The following ANKRD45 variants were observed in gnomAD, a reference collection of about 807,000 sequenced individuals.
ANKRD45 encodes ankyrin repeat domain 45, also known as ankyrin repeat domain-containing protein 45.
In ANKRD45, 21 loss-of-function variants were observed where a neutral mutation model predicts 28.1. The observed-to-expected ratio is 0.75, with a 90% CI of 0.53 to 1.08. ANKRD45 has a LOEUF of 1.08. ANKRD45 is among the 50% of genes least tolerant of loss of function. ANKRD45 has a pLI of 0.00. For missense variants in ANKRD45, 261 were observed against 308.7 expected (o/e 0.85, Z 1.16); for synonymous variants, 86 against 103.9 (o/e 0.83, Z 1.05).
the ANKRD45 span, among the ~76,000 whole-genome samples, chr1:173,682,992 T>A: frequency 6.6e-6 from 1 of 152,106 alleles, no homozygotes; most frequent in Non-Finnish European, 1.5e-5. Flanking sequence ...ACCAGCTTTT[T>A]TTGTGTGGGA....
intron 5 of ANKRD45, among the ~76,000 whole-genome samples, chr1:173,622,114 C>G (rs1667732837): frequency 6.6e-6 from 1 of 152,134 alleles, no homozygotes; most frequent in African/African-American, 2.4e-5. Flanking sequence ...AGTGAACAAC[C>G]TCTTGAAGGA....
intron 1 of ANKRD45, among the ~76,000 whole-genome samples, chr1:173,661,470 G>A (rs1669773001): frequency 6.6e-6 from 1 of 152,178 alleles, no homozygotes. Flanking sequence ...GGCTGGGATT[G>A]CATCAGCAAG....
At chr1:173,696,257 T>C in the ANKRD45 span, among the ~76,000 whole-genome samples, 5 of 152,206 alleles carry the variant, frequency 3.3e-5, no homozygotes, top group Non-Finnish European at 7.3e-5. Context: ...AGAACCGACG[T>C]GAAATATTGG....
At chr1:173,655,089 C>G (rs1382217345) in intron 2 of ANKRD45, among the ~76,000 whole-genome samples, 4 of 152,168 alleles carry the variant, frequency 2.6e-5, no homozygotes, top group African/African-American at 9.7e-5. Context: ...CCTTCTGAAG[C>G]CAACTTCTGT....
chr1:173,696,180 A>G, the ANKRD45 span, among the ~76,000 whole-genome samples: 1 of 152,132 alleles, frequency 6.6e-6, no homozygotes, highest in Non-Finnish European at 1.5e-5. Flanking sequence ...ACCCAGCTTT[A>G]AAATTTCTCT....
intron 3 of ANKRD45, among the ~76,000 whole-genome samples, chr1:173,628,859 C>T (rs1558124428): frequency 6.6e-6 from 1 of 152,132 alleles, no homozygotes; most frequent in Non-Finnish European, 1.5e-5. Flanking sequence ...CAGGTCTGAC[C>T]CAGGGCAGTC....
chr1:173,626,282 T>A (rs530606102), intron 4 of ANKRD45, among the ~76,000 whole-genome samples: 3 of 152,164 alleles, frequency 2.0e-5, no homozygotes, highest in Non-Finnish European at 4.4e-5. Context: ...CCAAAACACA[T>A]TTCTGATACC....
At chr1:173,671,949 T>C (rs1670276218), upstream of ANKRD45, among the ~76,000 whole-genome samples, 1 of 151,914 alleles carries the variant, frequency 6.6e-6, no homozygotes, top group South Asian at 2.1e-4. Context: ...AGTCACCCAC[T>C]TGGCCCTTTC....
chr1:173,636,885 A>G (rs1006087310), intron 3 of ANKRD45: 1 of 1,535,826 alleles, frequency 6.5e-7, no homozygotes, highest in African/African-American at 1.4e-5. Flanking sequence ...CCATTGATCA[A>G]CAACATTGAC....
At chr1:173,643,128 T>C (rs1330618115) in intron 3 of ANKRD45, among the ~76,000 whole-genome samples, 1 of 152,008 alleles carries the variant, frequency 6.6e-6, no homozygotes, top group Non-Finnish European at 1.5e-5. Flanking sequence ...TTTCAATACA[T>C]CTCTGATAAA....
chr1:173,678,335 T>G, the ANKRD45 span, among the ~76,000 whole-genome samples: 1 of 152,192 alleles, frequency 6.6e-6, no homozygotes. Flanking sequence ...GCAAAGCGAA[T>G]GAAGCAGCAC....
chr1:173,650,212 C>T (rs548828842), intron 2 of ANKRD45, among the ~76,000 whole-genome samples: 35 of 152,240 alleles, frequency 2.3e-4, no homozygotes, highest in African/African-American at 7.9e-4. Flanking sequence ...CCCATTAACT[C>T]GTCATTTACA....
At chr1:173,678,722 A>G in the ANKRD45 span, among the ~76,000 whole-genome samples, 1 of 152,210 alleles carries the variant, frequency 6.6e-6, no homozygotes, top group Non-Finnish European at 1.5e-5. Context: ...CAGGCAAGAG[A>G]AAGAAATAAA....
chr1:173,652,990 CTTCT>C (rs1374258091), intron 2 of ANKRD45, among the ~76,000 whole-genome samples: 1 of 151,878 alleles, frequency 6.6e-6, no homozygotes, highest in Non-Finnish European at 1.5e-5. Context: ...TCTCTCTTTT[CTTCT>C]TTATTAGTCT....
Position 173,646,750 on chromosome 1 carries a change from AC to A in ANKRD45, c.496+95del, listed in dbSNP as rs1215512264. 2.3e-6 allele frequency: 3 copies of A among 1,297,170 alleles called. No individual in the cohort carries two copies. The African/African-American group carries it at 4.4e-5, about 19-fold the overall frequency. The allele number at this position is 1,297,170 out of a possible 1,614,324, so 80.4% of individuals were successfully genotyped here. ...ACTGTGACTGTGGTTGTATCTACAA[AC>A]AAAACACTGTGAAAAAAGGTGACAT... On this transcript the variant is annotated intron_variant, in intron 3 of 5. Transcript: ENST00000333279.
intron 5 of ANKRD45, among the ~76,000 whole-genome samples, chr1:173,622,102 G>T (rs1010513233): frequency 6.6e-6 from 1 of 152,120 alleles, no homozygotes; most frequent in Non-Finnish European, 1.5e-5. Context: ...GCAGTCAAGG[G>T]AAGTGAACAA....
the ANKRD45 span, among the ~76,000 whole-genome samples, chr1:173,707,182 G>A: frequency 2.8e-4 from 42 of 151,412 alleles, no homozygotes; most frequent in Admixed American, 5.3e-4. Flanking sequence ...CATTATGAAC[G>A]CTTTATGATA....
intron 1 of ANKRD45, among the ~76,000 whole-genome samples, chr1:173,660,295 G>A (rs1033765691): frequency 9.2e-5 from 14 of 152,220 alleles, no homozygotes; most frequent in African/African-American, 2.9e-4. Flanking sequence ...CCTTCATTAC[G>A]TACAAGAATG....
chr1:173,650,079 CT>C (rs1274031342), intron 2 of ANKRD45, among the ~76,000 whole-genome samples: 3 of 152,044 alleles, frequency 2.0e-5, no homozygotes, highest in African/African-American at 4.8e-5. Context: ...AAGTTTCATA[CT>C]TTTTGCCATA....
Sources: gnomAD v4.1 joint callset for allele counts (sites outside exome capture counted in the v4.1 genomes callset) on GRCh38, gnomAD v4.1.1 for gene constraint, MANE v1.5 for transcripts, NCBI Gene and HGNC (gene_info 2026-07-23, HGNC 2026-07-21) for gene names.